Variants in RNF180 observed in about 807,000 individuals in gnomAD.
RNF180 encodes ring finger protein 180.
RNF180 carries 38 observed loss-of-function variants against 59.2 expected under a neutral mutation model. The observed-to-expected ratio is 0.64, with a 90% CI of 0.50 to 0.84. The LOEUF is 0.84. Ranked by LOEUF, RNF180 falls within the 40% of genes least tolerant of loss-of-function variation. The pLI is 0.00. For missense variants in RNF180, 705 were observed against 700.9 expected (o/e 1.01, Z -0.07); for synonymous variants, 262 against 240.3 (o/e 1.09, Z -0.84).
intron 5 of RNF180, among the ~76,000 whole-genome samples, chr5:64,281,280 G>A (rs192469851): frequency 1.3e-5 from 2 of 152,242 alleles, no homozygotes; most frequent in Admixed American, 1.3e-4. Flanking sequence ...TTATTATTTG[G>A]ATGTCTTTTG....
At chr5:64,187,098 A>G (rs1750909767) in intron 1 of RNF180, among the ~76,000 whole-genome samples, 1 of 152,186 alleles carries the variant, frequency 6.6e-6, no homozygotes, top group South Asian at 2.1e-4. Context: ...ATTCTTAAAG[A>G]TGTCACTTGG....
intron 2 of RNF180, among the ~76,000 whole-genome samples, chr5:64,204,661 A>G (rs1442790204): frequency 6.6e-6 from 1 of 152,152 alleles, no homozygotes; most frequent in East Asian, 1.9e-4. Flanking sequence ...TTTGTTGAAA[A>G]GAAATTCATA....
intron 5 of RNF180, among the ~76,000 whole-genome samples, chr5:64,277,304 A>G (rs1381964412): frequency 6.6e-6 from 1 of 152,146 alleles, no homozygotes; most frequent in Non-Finnish European, 1.5e-5. Flanking sequence ...TATAAAAAGC[A>G]GGAATGAGAT....
intron 7 of RNF180, among the ~76,000 whole-genome samples, chr5:64,335,123 C>G (rs1745066260): frequency 6.6e-6 from 1 of 152,082 alleles, no homozygotes. Context: ...GGGGGTTGAA[C>G]ATATCTTTAT....
intron 5 of RNF180, among the ~76,000 whole-genome samples, chr5:64,286,273 G>A (rs982725931): frequency 6.6e-6 from 1 of 152,192 alleles, no homozygotes; most frequent in Non-Finnish European, 1.5e-5. Context: ...GAACTATGGA[G>A]AACCTTGAAG....
chr5:64,304,965 A>T (rs1393752566), intron 5 of RNF180, among the ~76,000 whole-genome samples: 1 of 151,640 alleles, frequency 6.6e-6, no homozygotes, highest in Non-Finnish European at 1.5e-5. Flanking sequence ...CAGCATCAAG[A>T]CAAGACCCTT....
chr5:64,244,670 A>G (rs769798591), intron 5 of RNF180, among the ~76,000 whole-genome samples: 5 of 152,194 alleles, frequency 3.3e-5, no homozygotes, highest in African/African-American at 1.2e-4. Context: ...ACTCTTCAAG[A>G]TATTATCCAG....
intron 7 of RNF180, among the ~76,000 whole-genome samples, chr5:64,347,488 C>T (rs1220122748): frequency 6.6e-6 from 1 of 152,126 alleles, no homozygotes; most frequent in East Asian, 1.9e-4. Flanking sequence ...AGAAGACAAG[C>T]TTAAAAGTGT....
intron 7 of RNF180, among the ~76,000 whole-genome samples, chr5:64,351,311 G>A (rs1292541254): frequency 6.6e-6 from 1 of 152,104 alleles, no homozygotes; most frequent in Non-Finnish European, 1.5e-5. Flanking sequence ...GGGCTGAGAT[G>A]ATGGGGTTTT....
At chr5:64,304,092 G>A (rs151058757) in intron 5 of RNF180, among the ~76,000 whole-genome samples, 26 of 151,548 alleles carry the variant, frequency 1.7e-4, no homozygotes, top group African/African-American at 3.6e-4. Context: ...TTACAGCATG[G>A]TATACTGAAT....
intron 1 of RNF180, among the ~76,000 whole-genome samples, chr5:64,186,720 A>T (rs1237810386): frequency 1.3e-5 from 2 of 152,122 alleles, no homozygotes; most frequent in Non-Finnish European, 1.5e-5. Context: ...TTATATTTAG[A>T]TGTATCATGT....
chr5:64,237,977 T>C (rs1742552663), intron 5 of RNF180, among the ~76,000 whole-genome samples: 1 of 152,200 alleles, frequency 6.6e-6, no homozygotes, highest in Non-Finnish European at 1.5e-5. Flanking sequence ...TTAATCCTCC[T>C]TTCTTTACAA....
chr5:64,290,084 CTT>C (rs1742493872), intron 5 of RNF180, among the ~76,000 whole-genome samples: 1 of 152,090 alleles, frequency 6.6e-6, no homozygotes, highest in African/African-American at 2.4e-5. Flanking sequence ...TATGTTGTCT[CTT>C]TGTTCTCATT....
intron 6 of RNF180, among the ~76,000 whole-genome samples, chr5:64,326,908 A>G (rs1157184245): frequency 1.3e-5 from 2 of 152,158 alleles, no homozygotes; most frequent in African/African-American, 2.4e-5. Context: ...GATTCAGTAG[A>G]TTTCGGCAGT....
intron 5 of RNF180, among the ~76,000 whole-genome samples, chr5:64,228,896 C>T (rs1268093039): frequency 6.7e-6 from 1 of 148,320 alleles, no homozygotes; most frequent in Non-Finnish European, 1.5e-5. Flanking sequence ...TAATCCATGA[C>T]CAAAACTTTC....
intron 7 of RNF180, among the ~76,000 whole-genome samples, chr5:64,332,692 G>A (rs1179130301): frequency 1.3e-5 from 2 of 152,088 alleles, no homozygotes; most frequent in African/African-American, 4.8e-5. Flanking sequence ...ATACAATATG[G>A]ACATAAAATA....
chr5:64,238,966 G>C (rs1473835873), intron 5 of RNF180, among the ~76,000 whole-genome samples: 2 of 152,070 alleles, frequency 1.3e-5, no homozygotes, highest in African/African-American at 4.8e-5. Flanking sequence ...TGAGATATTA[G>C]TTTAACCATG....
At chr5:64,350,435 C>A (rs189271269) in intron 7 of RNF180, among the ~76,000 whole-genome samples, 3 of 152,002 alleles carry the variant, frequency 2.0e-5, no homozygotes, top group Non-Finnish European at 2.9e-5. Context: ...TGTCAATTTT[C>A]GCTTTTGTTG....
intron 5 of RNF180, among the ~76,000 whole-genome samples, chr5:64,232,314 G>A (rs1742144749): frequency 6.6e-6 from 1 of 152,168 alleles, no homozygotes; most frequent in South Asian, 2.1e-4. Flanking sequence ...AGCTGCATCA[G>A]AATCACTAGG....
Sources: allele counts gnomAD v4.1 joint callset (sites outside exome capture counted in the v4.1 genomes callset), GRCh38; gene constraint gnomAD v4.1.1; transcripts MANE v1.5; gene names NCBI Gene and HGNC (gene_info 2026-07-23, HGNC 2026-07-21).